PRKG1: variants seen among roughly 807,000 people sequenced by gnomAD.
PRKG1 encodes the protein protein kinase cGMP-dependent 1.
In PRKG1, 35 loss-of-function variants were observed where a neutral mutation model predicts 88.1. The ratio of observed to expected loss-of-function variants is 0.40; its 90% CI spans 0.30 to 0.53. PRKG1 has a LOEUF of 0.53. PRKG1 is among the 20% of genes least tolerant of loss of function. The pLI is 0.59. For synonymous variants in PRKG1, 303 were observed against 292.5 expected (o/e 1.04, Z -0.37); for missense variants, 540 against 839.8 (o/e 0.64, Z 4.41).
intron 2 of PRKG1, among the ~76,000 whole-genome samples, chr10:51,210,766 A>G (rs1838193240): frequency 6.6e-6 from 1 of 152,228 alleles, no homozygotes; most frequent in Non-Finnish European, 1.5e-5. Flanking sequence ...CTAAACCAGG[A>G]AGAAGTTGAA....
chr10:52,291,232 T>A (rs189336877), intron 17 of PRKG1, among the ~76,000 whole-genome samples: 46 of 101,870 alleles, frequency 4.5e-4, no homozygotes, highest in African/African-American at 2.3e-3. Context: ...ACGTGATCAC[T>A]CTTTTATTTT....
At chr10:51,290,707 A>G (rs1840561667) in intron 2 of PRKG1, among the ~76,000 whole-genome samples, 1 of 152,108 alleles carries the variant, frequency 6.6e-6, no homozygotes, top group African/African-American at 2.4e-5. Context: ...TAAATGTGGG[A>G]TTATGTGGGC....
At chr10:51,401,053 A>G (rs536965926) in intron 2 of PRKG1, among the ~76,000 whole-genome samples, 1 of 152,350 alleles carries the variant, frequency 6.6e-6, no homozygotes, top group East Asian at 1.9e-4. Flanking sequence ...AAATACAAGT[A>G]TAACACAAGC....
At chr10:51,135,972 A>T (rs1477150772) in intron 1 of PRKG1, among the ~76,000 whole-genome samples, 6 of 8,628 alleles carry the variant, frequency 7.0e-4, no homozygotes, top group East Asian at 6.7e-3. Flanking sequence ...TTGTGGGGGA[A>T]GGGGGGAGGG....
In PRKG1 at chr10:51,143,824, T is replaced by G. The variant is rs527393757; in HGVS notation, c.312-9340T>G. The stretch of plus-strand genomic sequence containing the variant: ...CCATTTCTAAATTGGGTTATTTGGG[T>G]TTTTTTTGCTACTGAGTTATTTGAG... On this transcript the variant is annotated intron_variant, in intron 1 of 17. Transcript: ENST00000373980. Among the ~76,000 whole-genome samples, 428 of 151,792 alleles carry G rather than the reference T, an allele frequency of 2.8e-3. 1 individual carries two copies. Among genetic ancestry groups the G allele is most frequent in the African/African-American group, 9.8e-3 (406 of 41,436 alleles).
At chr10:52,034,978 T>G (rs1211541303) in intron 5 of PRKG1, among the ~76,000 whole-genome samples, 1 of 152,184 alleles carries the variant, frequency 6.6e-6, no homozygotes, top group Admixed American at 6.5e-5. Context: ...TTAAAAGACC[T>G]TTAGTCCATT....
chr10:51,403,249 C>G (rs74476936), intron 2 of PRKG1, among the ~76,000 whole-genome samples: 3 of 152,102 alleles, frequency 2.0e-5, no homozygotes, highest in African/African-American at 7.2e-5. Context: ...AAGTTAAATA[C>G]GTGCAAAGAG....
At chr10:51,521,960 C>T (rs528619190) in intron 3 of PRKG1, among the ~76,000 whole-genome samples, 4 of 152,244 alleles carry the variant, frequency 2.6e-5, no homozygotes, top group African/African-American at 9.6e-5. Flanking sequence ...TAATATACTT[C>T]TAATACAGCA....
chr10:51,039,448 A>G (rs1843392674), intron 1 of PRKG1, among the ~76,000 whole-genome samples: 1 of 152,042 alleles, frequency 6.6e-6, no homozygotes, highest in African/African-American at 2.4e-5. Context: ...TTTTTCCTAC[A>G]CAGTTGTTTG....
chr10:51,370,521 T>TG (rs1479582834), intron 2 of PRKG1, among the ~76,000 whole-genome samples: 1 of 151,306 alleles, frequency 6.6e-6, no homozygotes, highest in Non-Finnish European at 1.5e-5. Context: ...TATGTGTGTG[T>TG]GTGTGTGTGT....
intron 1 of PRKG1, among the ~76,000 whole-genome samples, chr10:51,025,526 C>T (rs1053939892): frequency 6.6e-6 from 1 of 152,158 alleles, no homozygotes; most frequent in African/African-American, 2.4e-5. Flanking sequence ...TCTCTTCATG[C>T]AGGCACATTT....
At chr10:52,038,401 G>A (rs900289385) in intron 5 of PRKG1, among the ~76,000 whole-genome samples, 2 of 151,766 alleles carry the variant, frequency 1.3e-5, no homozygotes, top group Non-Finnish European at 2.9e-5. Flanking sequence ...ATAAGGGGTA[G>A]GGGCACGGAA....
chr10:51,451,652 A>C (rs1036605757), intron 2 of PRKG1, among the ~76,000 whole-genome samples: 1 of 152,028 alleles, frequency 6.6e-6, no homozygotes, highest in African/African-American at 2.4e-5. Flanking sequence ...TTCTCTTTGC[A>C]GTATAGTTTG....
At chr10:51,153,980 T>C (rs1248837223) in intron 2 of PRKG1, among the ~76,000 whole-genome samples, 1 of 152,034 alleles carries the variant, frequency 6.6e-6, no homozygotes, top group Non-Finnish European at 1.5e-5. Context: ...CTGACATGCT[T>C]TTCTTTTGTG....
chr10:52,032,230 C>CT (rs1242711454), intron 5 of PRKG1, among the ~76,000 whole-genome samples: 1 of 151,986 alleles, frequency 6.6e-6, no homozygotes. Flanking sequence ...CTAACCTGTT[C>CT]TTTTTTTTCT....
At chr10:51,870,180 T>C (rs1841119907) in intron 4 of PRKG1, among the ~76,000 whole-genome samples, 1 of 152,172 alleles carries the variant, frequency 6.6e-6, no homozygotes, top group African/African-American at 2.4e-5. Flanking sequence ...TACAGGGGCT[T>C]TTGTAAATAG....
chr10:52,069,772 A>G (rs561021307), intron 7 of PRKG1, among the ~76,000 whole-genome samples: 2 of 152,010 alleles, frequency 1.3e-5, no homozygotes, highest in Non-Finnish European at 2.9e-5. Context: ...AAATATGTCT[A>G]TAATTTATTG....
intron 5 of PRKG1, among the ~76,000 whole-genome samples, chr10:51,958,669 C>T (rs1228468680): frequency 6.7e-6 from 1 of 148,620 alleles, no homozygotes; most frequent in Non-Finnish European, 1.5e-5. Context: ...ATTACTAAGG[C>T]AATTATATAT....
chr10:51,086,129 G>T (rs1844241300), intron 1 of PRKG1, among the ~76,000 whole-genome samples: 1 of 152,140 alleles, frequency 6.6e-6, no homozygotes, highest in Admixed American at 6.6e-5. Context: ...GCACTGAATG[G>T]CATACAAATA....
Sources: allele counts gnomAD v4.1 joint callset (sites outside exome capture counted in the v4.1 genomes callset), GRCh38; gene constraint gnomAD v4.1.1; transcripts MANE v1.5; gene names NCBI Gene and HGNC (gene_info 2026-07-23, HGNC 2026-07-21).